Variants in ZNF335 observed in about 807,000 individuals in gnomAD.
ZNF335 encodes zinc finger protein 335, also known as NRC-interacting factor 1.
In ZNF335, 84 loss-of-function variants were observed where a neutral mutation model predicts 145.6. That is an observed-to-expected ratio of 0.58 (90% CI 0.48 to 0.69). The LOEUF is 0.69. ZNF335 is among the 30% of genes least tolerant of loss of function. The pLI, the probability that ZNF335 is intolerant of heterozygous loss-of-function variation, is 0.00. For missense variants in ZNF335, 1,865 were observed against 1,809.7 expected, an observed-to-expected ratio of 1.03 and a Z score of -0.55; for synonymous variants, 761 against 717.0, an observed-to-expected ratio of 1.06 and a Z score of -0.98.
chr20:45,963,685 G>A (rs777063759), intron 8 of ZNF335, 35 bp from the exon 9 acceptor site: 40 of 1,613,794 alleles, frequency 2.5e-5, no homozygotes, highest in Non-Finnish European at 3.1e-5. Flanking sequence ...AGGTCTGGTG[G>A]GGTTGGTGGC....
intron 3 of ZNF335, 122 bp from the exon 4 acceptor site, chr20:45,968,484 T>A: frequency 1.2e-6 from 1 of 868,986 alleles, no homozygotes; most frequent in Non-Finnish European, 1.8e-6. Flanking sequence ...GGCTCCCATG[T>A]GCGACTGCAA....
chr20:45,949,728 T>TCCTCC, intron 24 of ZNF335, 72 bp downstream of exon 24: 7 of 1,562,096 alleles, frequency 4.5e-6, no homozygotes, highest in Non-Finnish European at 6.2e-6. Flanking sequence ...AAAGTATCAT[T>TCCTCC]CCTCCCCAAG....
Position 45,950,484 on chromosome 20 carries a change from TCTC to T in ZNF335, c.3298_3300del (p.Glu1100del), listed in dbSNP as rs1234014187. On this transcript the variant is annotated inframe_deletion, in exon 21 of 28. Coordinates refer to ENST00000322927, the MANE Select transcript of ZNF335 (RefSeq NM_022095.4). ...CCGCAGAGGTGGCATGCAAAAGGCT[TCTC>T]CTTTGTGTGAGTCAGCATGTGCCGA... 5 of 1,614,194 alleles carry T rather than the reference TCTC, an allele frequency of 3.1e-6. No individual in the cohort carries two copies. The highest frequency in any genetic ancestry group is 4.2e-6 in the Non-Finnish European group (5 of 1,180,034).
In ZNF335 at chr20:45,965,618, C is replaced by G. The variant is rs1203722213; in HGVS notation, c.1102+10G>C. On this transcript the variant is annotated intron_variant, in intron 7 of 27. Transcript: ENST00000322927. ...CACCCACACGAGCCCCTCCCAAGAC[C>G]AAGCCTCACCATCTGGGAGGTCTGA... The G allele has an allele frequency of 6.3e-7, 1 of 1,591,866 alleles. No homozygotes were observed. Among genetic ancestry groups the G allele is most frequent in the Non-Finnish European group, 8.5e-7 (1 of 1,171,180 alleles).
intron 2 of ZNF335, chr20:45,970,200 G>T (rs2084034404): frequency 6.5e-6 from 1 of 153,132 alleles, no homozygotes; most frequent in Non-Finnish European, 1.5e-5. Context: ...GCCAGACTGT[G>T]CCCTCCACAA....
chr20:45,957,711 G>A (rs754973104), intron 16 of ZNF335, 31 bp from the exon 17 acceptor site: 15 of 1,613,156 alleles, frequency 9.3e-6, no homozygotes, highest in Admixed American at 1.7e-5. Flanking sequence ...GCCTGACAAA[G>A]TGCTAGAAAA....
At chr20:45,969,758 C>T in intron 2 of ZNF335, 67 bp from the exon 3 acceptor site, 5 of 1,566,434 alleles carry the variant, frequency 3.2e-6, no homozygotes, top group East Asian at 2.3e-5. Flanking sequence ...AGCCTGCCAG[C>T]TCCCACTTGC....
chr20:45,972,003 C>A (rs1014276869), intron 1 of ZNF335, 119 bp downstream of exon 1: 14 of 1,199,282 alleles, frequency 1.2e-5, no homozygotes, highest in Admixed American at 3.3e-5. Context: ...GGCCTGGGAC[C>A]CCGGGGCCCT....
At chr20:45,970,418 A>C (rs546281833) in intron 2 of ZNF335, among the ~76,000 whole-genome samples, 1 of 152,374 alleles carries the variant, frequency 6.6e-6, no homozygotes, top group African/African-American at 2.4e-5. Flanking sequence ...AGTGCTTACA[A>C]TGTGCTGAGC....
In ZNF335 at chr20:45,963,665, T is replaced by C. The variant is rs370419384; in HGVS notation, c.1356-15A>G. On this transcript the variant is annotated splice_polypyrimidine_tract_variant and intron_variant, in intron 8 of 27. Transcript: ENST00000322927. Reference sequence around the variant, plus strand: ...TGTAATAGTACCTGCAGGATGAGAGTGTGGCGGAAAGGTCTGGTGGGGTTG... The same window carrying C: ...TGTAATAGTACCTGCAGGATGAGAGCGTGGCGGAAAGGTCTGGTGGGGTTG... 6.2e-7 allele frequency: 1 copy of C among 1,613,612 alleles called. No homozygotes were observed. Among genetic ancestry groups the C allele is most frequent in the Non-Finnish European group, 8.5e-7 (1 of 1,179,710 alleles).
chr20:45,950,953 C>T (rs575137076), intron 20 of ZNF335, among the ~76,000 whole-genome samples: 6 of 151,958 alleles, frequency 3.9e-5, no homozygotes, highest in African/African-American at 1.2e-4. Flanking sequence ...AGTGCAATGG[C>T]GTGATCTCGG....
Position 45,949,559 on chromosome 20 carries a change from T to C in ZNF335, c.3679A>G (p.Ile1227Val). Residue 1227 changes from isoleucine to valine, a missense_variant, in exon 25 of 28, where the codon ATC (isoleucine) becomes GTC (valine). By Grantham distance (29) the Ile-to-Val change is conservative. Coordinates refer to ENST00000322927, the MANE Select transcript of ZNF335 (RefSeq NM_022095.4). The stretch of plus-strand genomic sequence containing the variant: ...TGCTGGACACCATCCTGGGAGATGA[T>C]ATACTGCACCTGTTGGTGGGGGGGG... ...LVTSDNQVQY[I>V]ISQDGVQHLL... is the part of the protein sequence containing the mutation. 1 of 1,611,830 alleles carries C rather than the reference T, an allele frequency of 6.2e-7. No homozygotes were observed. The highest frequency in any genetic ancestry group is 8.5e-7 in the Non-Finnish European group (1 of 1,179,494).
rs530048142 is a variant in ZNF335 at position 45,971,074 on chromosome 20, T to G, written c.201+136A>C. On this transcript the variant is annotated intron_variant, in intron 2 of 27. Transcript: ENST00000322927. ...CAAATGAGAAAATCCATTTTAGGGG[T>G]TTGGCTTGGTGCCTGGCTCACAGTA... is the stretch of plus-strand genomic sequence containing the variant. 34 of 1,361,576 alleles carry G rather than the reference T, an allele frequency of 2.5e-5. No homozygotes were observed. In the East Asian group the frequency reaches 8.7e-4, roughly 35 times the overall value. 84.3% of individuals were successfully genotyped at this position (1,361,576 alleles called of 1,614,324 possible). A position where few individuals can be genotyped will look rare whatever the true frequency, so the allele number is the denominator to read the frequency against.
chr20:45,965,005 C>T (rs919497399), intron 7 of ZNF335, among the ~76,000 whole-genome samples: 5 of 149,522 alleles, frequency 3.3e-5, no homozygotes, highest in African/African-American at 1.2e-4. Context: ...CACTCCAGCC[C>T]GGGCAAGAGT....
intron 3 of ZNF335, among the ~76,000 whole-genome samples, chr20:45,969,221 A>G (rs1161288717): frequency 2.6e-5 from 4 of 152,232 alleles, no homozygotes; most frequent in African/African-American, 9.6e-5. Flanking sequence ...GGTAAGCAAT[A>G]ACAGTTTATA....
At position 45,950,382 on chromosome 20, in the gene ZNF335, G is replaced by A. The variant is rs1226794820; in HGVS notation, c.3333-9C>T. ...GCCCGTTACGGTTGAAACTGAGGGGGATGAAAGGTGGCTCAGGTTAGCTCC... is the reference window on the plus strand; with the variant it reads ...GCCCGTTACGGTTGAAACTGAGGGGAATGAAAGGTGGCTCAGGTTAGCTCC... On this transcript the variant is annotated splice_polypyrimidine_tract_variant and intron_variant, in intron 21 of 27. Coordinates refer to ENST00000322927, the MANE Select transcript of ZNF335 (RefSeq NM_022095.4). 3.7e-5 allele frequency: 60 copies of A among 1,605,322 alleles called. No homozygotes were observed. The highest frequency in any genetic ancestry group is 4.6e-5 in the Non-Finnish European group (54 of 1,173,798).
chr20:45,965,696 G>A lies in ZNF335; in HGVS notation c.1034C>T (p.Pro345Leu), dbSNP rs780385870. ...CCGGCCAGGTCTCCTTCGGGGCCTT[G>A]GGGTACTGGGGGTGGGGCGCTGGAG... ...LRLQRPTPST[P>L]RPRRRPGRPR... is the part of the protein sequence containing the mutation. The change falls in exon 7 of 28, where the codon CCA becomes CTA. Residue 345 changes from proline to leucine, a missense_variant. Pro to Leu is a moderately conservative substitution (Grantham distance 98). Coordinates refer to ENST00000322927, the MANE Select transcript of ZNF335 (RefSeq NM_022095.4). The A allele has an allele frequency of 1.9e-6, 3 of 1,603,204 alleles. No individual in the cohort carries two copies. The highest frequency in any genetic ancestry group is 1.7e-5 in the Admixed American group (1 of 58,420).
intron 9 of ZNF335, among the ~76,000 whole-genome samples, chr20:45,962,855 C>T (rs1002314754): frequency 8.4e-5 from 12 of 142,504 alleles, no homozygotes; most frequent in African/African-American, 2.4e-4. Flanking sequence ...CTCTTGTTGC[C>T]CAGGCTGGAG....
In ZNF335 at chr20:45,971,303, G is replaced by C; in HGVS notation, c.108C>G (p.Ser36=). The change falls in exon 2 of 28, where the codon TCC becomes TCG. Residue 36 remains serine (S), a synonymous_variant. Coordinates refer to ENST00000322927, the MANE Select transcript of ZNF335 (RefSeq NM_022095.4). ...GLGVGTSEAV[S]ADSSDAAAAP... is the part of the protein sequence containing the mutation. The stretch of plus-strand genomic sequence containing the variant: ...CGGCCGCGGCGTCGCTGCTGTCGGC[G>C]GACACGGCTTCTGAGGTGCCCACAC... 1.3e-6 allele frequency: 2 copies of C among 1,592,156 alleles called. No individual in the cohort carries two copies. The highest frequency in any genetic ancestry group is 1.7e-6 in the Non-Finnish European group (2 of 1,175,972).
Sources: gnomAD v4.1 joint callset for allele counts (sites outside exome capture counted in the v4.1 genomes callset) on GRCh38, gnomAD v4.1.1 for gene constraint, MANE v1.5 for transcripts, NCBI Gene and HGNC (gene_info 2026-07-23, HGNC 2026-07-21) for gene names.